The following ADGB variants were observed in gnomAD, a reference collection of about 807,000 sequenced individuals.
ADGB encodes the protein androglobin, also known as calpain-7-like protein.
Under a neutral mutation model 210.5 loss-of-function variants are expected in ADGB, and 172 were observed. That is an observed-to-expected ratio of 0.82 (90% CI 0.72 to 0.93). The LOEUF (loss-of-function observed/expected upper bound fraction) is 0.93. Ranked by LOEUF, ADGB falls within the 40% of genes least tolerant of loss-of-function variation. The probability of loss-of-function intolerance (pLI) is 0.00; values close to 1 mark genes in which losing one functional copy is unlikely to be tolerated. For synonymous variants in ADGB, 658 were observed against 662.7 expected, an observed-to-expected ratio of 0.99 and a Z score of 0.11; for missense variants, 2,025 against 1,964.8, an observed-to-expected ratio of 1.03 and a Z score of -0.58.
In ADGB at chr6:146,782,075, T is replaced by G. The variant is rs1583636479; in HGVS notation, c.3918T>G (p.Thr1306=). Residue 1306 remains threonine, a synonymous_variant, in exon 30 of 36, where the codon ACT becomes ACG. Coordinates refer to ENST00000397944, the MANE Select transcript of ADGB (RefSeq NM_024694.4). The part of the protein sequence containing the change: ...LINLGSPDSH[T]ISEGQKSSVT... ...ACTTAGGAAGCCCAGACTCCCACAC[T>G]ATTAGTGAGGGACAAAAATCTTCAG... The G allele has an allele frequency of 6.5e-7, 1 of 1,546,412 alleles. No homozygotes were observed. The highest frequency in any genetic ancestry group is 8.7e-7 in the Non-Finnish European group (1 of 1,145,116).
chr6:146,754,865 C>T (rs888241313), intron 27 of ADGB, among the ~76,000 whole-genome samples: 4 of 152,072 alleles, frequency 2.6e-5, no homozygotes, highest in Non-Finnish European at 5.9e-5. Flanking sequence ...TCTAAATGCA[C>T]ACATACACTT....
chr6:146,719,980 A>T (rs1310226613), intron 16 of ADGB, among the ~76,000 whole-genome samples: 1 of 152,212 alleles, frequency 6.6e-6, no homozygotes, highest in African/African-American at 2.4e-5. Flanking sequence ...CATTTCTAGC[A>T]ATCTTTGTTA....
intron 3 of ADGB, among the ~76,000 whole-genome samples, chr6:146,653,142 T>G (rs192139515): frequency 2.0e-5 from 3 of 152,104 alleles, no homozygotes; most frequent in African/African-American, 7.2e-5. Flanking sequence ...GCATGCTCCT[T>G]ATGAGAATCT....
intron 35 of ADGB, among the ~76,000 whole-genome samples, chr6:146,809,353 C>T (rs534937986): frequency 3.7e-4 from 57 of 152,260 alleles, no homozygotes; most frequent in Middle Eastern, 3.4e-3. Flanking sequence ...ATTAGTGGTG[C>T]AGCCACCACG....
chr6:146,625,686 G>A (rs1313529413), intron 1 of ADGB, among the ~76,000 whole-genome samples: 1 of 151,886 alleles, frequency 6.6e-6, no homozygotes, highest in Admixed American at 6.6e-5. Context: ...ATACTGCTTT[G>A]CCTTCTGCCA....
chr6:146,672,370 A>G lies in ADGB; in HGVS notation c.990A>G (p.Ile330Met), dbSNP rs531507910. 143 of 1,551,440 alleles carry G rather than the reference A, an allele frequency of 9.2e-5. 2 individuals are homozygous for G. In the South Asian group the frequency reaches 1.6e-3, roughly 17 times the overall value. Residue 330 changes from isoleucine (I) to methionine (M), a missense_variant, in exon 8 of 36, where the codon ATA becomes ATG. By Grantham distance (10) the Ile-to-Met change is conservative (BLOSUM62 1). Transcript: ENST00000397944. The part of the protein sequence containing the change: ...PGKEGKEGKE[I>M]KDGKEVKDVK... ...AAGAAGGGAAGGAGGGAAAAGAAAT[A>G]AAGGATGGAAAGGAAGTAAAAGACG...
At chr6:146,683,874 T>C (rs988405929) in intron 9 of ADGB, among the ~76,000 whole-genome samples, 1 of 152,148 alleles carries the variant, frequency 6.6e-6, no homozygotes, top group Non-Finnish European at 1.5e-5. Context: ...TATTAAGCTT[T>C]AGAAAATTTT....
At chr6:146,693,353 A>G (rs893094060) in intron 12 of ADGB, among the ~76,000 whole-genome samples, 2 of 152,162 alleles carry the variant, frequency 1.3e-5, no homozygotes, top group African/African-American at 4.8e-5. Flanking sequence ...GTCCAGGCAC[A>G]CACACAGTGG....
intron 6 of ADGB, among the ~76,000 whole-genome samples, chr6:146,665,402 C>A (rs1216228670): frequency 2.0e-5 from 3 of 151,936 alleles, no homozygotes; most frequent in Non-Finnish European, 4.4e-5. Flanking sequence ...CACTTAATTG[C>A]AATGATTTTC....
At chr6:146,810,023 T>C (rs1405615940) in intron 35 of ADGB, among the ~76,000 whole-genome samples, 4 of 151,848 alleles carry the variant, frequency 2.6e-5, no homozygotes, top group Admixed American at 2.6e-4. Context: ...AGACAATCTA[T>C]AGAATGGGAG....
intron 19 of ADGB, among the ~76,000 whole-genome samples, chr6:146,727,539 T>C (rs1028529885): frequency 2.0e-5 from 3 of 152,222 alleles, no homozygotes; most frequent in African/African-American, 4.8e-5. Context: ...GTTGTCTTCC[T>C]TTAGATAATT....
At chr6:146,749,139 T>C (rs1483612585) in intron 26 of ADGB, among the ~76,000 whole-genome samples, 1 of 152,154 alleles carries the variant, frequency 6.6e-6, no homozygotes, top group Non-Finnish European at 1.5e-5. Flanking sequence ...TTGCTGGAGT[T>C]CTAGAGTTTG....
At chr6:146,796,353 T>C (rs1429481386) in intron 33 of ADGB, among the ~76,000 whole-genome samples, 1 of 152,036 alleles carries the variant, frequency 6.6e-6, no homozygotes, top group African/African-American at 2.4e-5. Flanking sequence ...AATCCAAAAA[T>C]TCATTTGGAA....
rs569911708 is a variant in ADGB at position 146,700,934 on chromosome 6, C to T, written c.1578-7C>T. 43 of 1,545,382 alleles carry T rather than the reference C, an allele frequency of 2.8e-5. No individual in the cohort carries two copies. The Admixed American group carries it at 8.8e-4, about 31-fold the overall frequency. ...AACAGAAGTTTGGGGTTTTGTTTTCCTTTTAGGCATTTTGTGCGCTCCTTA... is the reference window on the plus strand; with the variant it reads ...AACAGAAGTTTGGGGTTTTGTTTTCTTTTTAGGCATTTTGTGCGCTCCTTA... On this transcript the variant is annotated splice_region_variant and splice_polypyrimidine_tract_variant and intron_variant, in intron 12 of 35. Transcript: ENST00000397944.
chr6:146,642,396 A>G (rs1775530675), intron 2 of ADGB, among the ~76,000 whole-genome samples: 1 of 152,024 alleles, frequency 6.6e-6, no homozygotes, highest in Admixed American at 6.6e-5. Context: ...ATATACCCAG[A>G]GCAACATAAG....
At chr6:146,677,595 A>G (rs1352881333) in intron 9 of ADGB, among the ~76,000 whole-genome samples, 1 of 152,164 alleles carries the variant, frequency 6.6e-6, no homozygotes, top group Non-Finnish European at 1.5e-5. Flanking sequence ...TAGCAGATTT[A>G]CTGATGGTTC....
chr6:146,694,647 C>G (rs1776380030), intron 12 of ADGB, among the ~76,000 whole-genome samples: 1 of 152,070 alleles, frequency 6.6e-6, no homozygotes, highest in African/African-American at 2.4e-5. Context: ...ATATAAAACT[C>G]CTAAAATAAT....
At chr6:146,661,301 G>A (rs1775854316) in intron 5 of ADGB, among the ~76,000 whole-genome samples, 2 of 141,798 alleles carry the variant, frequency 1.4e-5, no homozygotes, top group African/African-American at 5.2e-5. Context: ...GCTCACTGCA[G>A]CCTCCACTCC....
At chr6:146,664,906 C>T (rs557189490) in intron 6 of ADGB, among the ~76,000 whole-genome samples, 50 of 151,938 alleles carry the variant, frequency 3.3e-4, no homozygotes, top group Non-Finnish European at 5.7e-4. Context: ...ACTTGTGCAC[C>T]AACATATATG....
Sources: gnomAD v4.1 joint callset for allele counts (sites outside exome capture counted in the v4.1 genomes callset) on GRCh38, gnomAD v4.1.1 for gene constraint, MANE v1.5 for transcripts, NCBI Gene and HGNC (gene_info 2026-07-23, HGNC 2026-07-21) for gene names.